The following PTPRD variants were observed in gnomAD, a reference collection of about 807,000 sequenced individuals.
PTPRD encodes the protein protein tyrosine phosphatase receptor type D.
Under a neutral mutation model 214.5 loss-of-function variants are expected in PTPRD, and 34 were observed. The ratio of observed to expected loss-of-function variants is 0.16; its 90% confidence interval spans 0.12 to 0.21. The LOEUF (loss-of-function observed/expected upper bound fraction) is 0.21, where lower values mean the gene tolerates loss of function less well. Ranked by LOEUF, PTPRD falls within the 10% of genes least tolerant of loss-of-function variation. The pLI, the probability that PTPRD is intolerant of heterozygous loss-of-function variation, is 1.00. For missense variants in PTPRD, 2,545 were observed against 2,398.7 expected (o/e 1.06, Z -1.27); for synonymous variants, 1,128 against 845.7 (o/e 1.33, Z -5.79).
chr9:8,891,056 T>C (rs2098535017), intron 11 of PTPRD, among the ~76,000 whole-genome samples: 2 of 152,106 alleles, frequency 1.3e-5, no homozygotes, highest in African/African-American at 4.8e-5. Context: ...TCAAGGTCTT[T>C]GGAAAATCAA....
At chr9:9,497,678 T>G (rs2096250909) in intron 8 of PTPRD, among the ~76,000 whole-genome samples, 1 of 152,144 alleles carries the variant, frequency 6.6e-6, no homozygotes, top group African/African-American at 2.4e-5. Flanking sequence ...AGGAACATTA[T>G]CTCATTTATA....
chr9:8,834,112 C>A (rs1566470204), intron 11 of PTPRD, among the ~76,000 whole-genome samples: 1 of 151,872 alleles, frequency 6.6e-6, no homozygotes, highest in Non-Finnish European at 1.5e-5. Context: ...GAATTTCTTC[C>A]CTTCATAGTC....
intron 8 of PTPRD, among the ~76,000 whole-genome samples, chr9:9,442,864 A>T (rs1222276303): frequency 6.6e-6 from 1 of 152,142 alleles, no homozygotes; most frequent in African/African-American, 2.4e-5. Flanking sequence ...TGGTATAATT[A>T]TTTCCTAAAG....
chr9:10,247,739 G>T (rs543430687), intron 3 of PTPRD, among the ~76,000 whole-genome samples: 3 of 152,106 alleles, frequency 2.0e-5, no homozygotes, highest in African/African-American at 7.2e-5. Flanking sequence ...GGAGCCAGAG[G>T]AGAGAAAGAA....
chr9:9,891,205 T>C (rs992573091), intron 5 of PTPRD, among the ~76,000 whole-genome samples: 10 of 152,092 alleles, frequency 6.6e-5, no homozygotes, highest in Admixed American at 5.9e-4. Flanking sequence ...TCTTCTCCCA[T>C]CCAACTCAGA....
chr9:10,386,010 ATTT>A (rs1039630740), intron 2 of PTPRD, among the ~76,000 whole-genome samples: 3 of 151,518 alleles, frequency 2.0e-5, no homozygotes, highest in African/African-American at 7.3e-5. Context: ...TTACCTTTGG[ATTT>A]TTTTTCTTTA....
At chr9:9,131,428 G>T (rs188413570) in intron 10 of PTPRD, among the ~76,000 whole-genome samples, 7 of 152,246 alleles carry the variant, frequency 4.6e-5, no homozygotes, top group Admixed American at 2.6e-4. Flanking sequence ...CAGAAATATT[G>T]TTTATAAATA....
rs141933113 is a variant in PTPRD, at chr9:10,406,631, C to A, written c.-599-65614G>T. 5.3e-3 allele frequency among the ~76,000 whole-genome samples: 799 copies of A among 151,566 alleles called. 5 individuals carry two copies. The highest frequency in any genetic ancestry group is 0.018 in the African/African-American group (742 of 41,446). The stretch of plus-strand genomic sequence containing the variant: ...CATTGCTGGTGTGTAGAGGTCTGCC[C>A]ATATACTGTAACTTTAGCTGTAAAT... On this transcript the variant is annotated intron_variant, in intron 2 of 45. Coordinates refer to ENST00000381196, the MANE Select transcript of PTPRD (RefSeq NM_002839.4).
intron 9 of PTPRD, among the ~76,000 whole-genome samples, chr9:9,240,195 AT>A (rs1408108122): frequency 1.3e-5 from 2 of 152,128 alleles, no homozygotes; most frequent in African/African-American, 4.8e-5. Context: ...TTTCAAAAAT[AT>A]TTTTGGTATT....
intron 11 of PTPRD, among the ~76,000 whole-genome samples, chr9:8,854,097 C>T (rs767211064): frequency 2.6e-5 from 4 of 152,038 alleles, no homozygotes; most frequent in African/African-American, 4.8e-5. Context: ...TTCGTGACCA[C>T]TAAGTTGAGT....
At chr9:9,618,525 T>G (rs1272285747) in intron 7 of PTPRD, among the ~76,000 whole-genome samples, 1 of 152,062 alleles carries the variant, frequency 6.6e-6, no homozygotes, top group African/African-American at 2.4e-5. Context: ...GAAGTGATAT[T>G]AGGAAGGTGA....
At chr9:10,609,215 T>C (rs1398485269) in intron 2 of PTPRD, among the ~76,000 whole-genome samples, 1 of 152,060 alleles carries the variant, frequency 6.6e-6, no homozygotes. Flanking sequence ...CATACATAGA[T>C]AGTAGCTAGA....
In PTPRD at chr9:9,897,608, A is replaced by T. The variant is rs369915671; in HGVS notation, c.-368+40899T>A. Reference sequence around the variant, plus strand: ...ACTTTATTGTAAAATAAGCTTTCTGACTGAGAATATATACAGTATTACAAA... The same window carrying T: ...ACTTTATTGTAAAATAAGCTTTCTGTCTGAGAATATATACAGTATTACAAA... On this transcript the variant is annotated intron_variant, in intron 5 of 45. Transcript: ENST00000381196. Among the ~76,000 whole-genome samples, 12 of 152,182 alleles carry T rather than the reference A, an allele frequency of 7.9e-5. No individual in the cohort carries two copies. In the East Asian group the frequency reaches 2.3e-3, roughly 29 times the overall value.
chr9:9,732,344 AAAC>A (rs1213361142), intron 7 of PTPRD, among the ~76,000 whole-genome samples: 2 of 152,074 alleles, frequency 1.3e-5, no homozygotes, highest in Non-Finnish European at 2.9e-5. Context: ...TCACATTAAA[AAAC>A]AAACAAACAA....
chr9:9,161,047 T>C (rs1197757460), intron 10 of PTPRD, among the ~76,000 whole-genome samples: 1 of 151,758 alleles, frequency 6.6e-6, no homozygotes. Flanking sequence ...GGGCAGGGGG[T>C]GGCAGGTGGG....
intron 23 of PTPRD, among the ~76,000 whole-genome samples, chr9:8,502,489 T>C (rs1018897561): frequency 6.6e-6 from 1 of 152,054 alleles, no homozygotes; most frequent in African/African-American, 2.4e-5. Context: ...ATAAAAGCTC[T>C]CTGTACTGAC....
Position 9,085,553 on chromosome 9 carries a change from T to C in PTPRD, c.-142-66818A>G, listed in dbSNP as rs1157540507. Among the ~76,000 whole-genome samples, 9 of 152,206 alleles carry C rather than the reference T, an allele frequency of 5.9e-5. No homozygotes were observed. In the South Asian group the frequency reaches 1.9e-3, roughly 32 times the overall value. ...CAGTTTAGAAACTCAGGGCTTTTTT[T>C]CCCTCTTATAAATAGACAAATAAAT... On this transcript the variant is annotated intron_variant, in intron 10 of 45. Coordinates refer to ENST00000381196, the MANE Select transcript of PTPRD (RefSeq NM_002839.4).
intron 10 of PTPRD, among the ~76,000 whole-genome samples, chr9:9,144,401 G>T (rs1569552676): frequency 6.6e-6 from 1 of 152,096 alleles, no homozygotes; most frequent in Non-Finnish European, 1.5e-5. Context: ...ATTTTTTTAT[G>T]TCAACTGGAA....
At chr9:10,603,228 A>C (rs1367074385) in intron 2 of PTPRD, among the ~76,000 whole-genome samples, 3 of 151,808 alleles carry the variant, frequency 2.0e-5, no homozygotes, top group Non-Finnish European at 4.4e-5. Context: ...CCAAAGGAAG[A>C]AAAAAATACA....
Sources: gnomAD v4.1 joint callset for allele counts (sites outside exome capture counted in the v4.1 genomes callset) on GRCh38, gnomAD v4.1.1 for gene constraint, MANE v1.5 for transcripts, NCBI Gene and HGNC (gene_info 2026-07-23, HGNC 2026-07-21) for gene names.